The following MSRA variants were observed in gnomAD, a reference collection of about 807,000 sequenced individuals.
MSRA encodes methionine sulfoxide reductase A, also known as mitochondrial peptide methionine sulfoxide reductase.
In MSRA, 54 loss-of-function variants were observed where a neutral mutation model predicts 31.3. That is an observed-to-expected ratio of 1.73 (90% CI 1.39 to 2.17). The LOEUF (loss-of-function observed/expected upper bound fraction) is 2.17, where lower values mean the gene tolerates loss of function less well. Among genes scored for constraint, MSRA ranks in the 30% most tolerant of loss-of-function variants. The pLI, the probability that MSRA is intolerant of heterozygous loss-of-function variation, is 0.00. For synonymous variants in MSRA, 169 were observed against 116.5 expected, an observed-to-expected ratio of 1.45 and a Z score of -2.90; for missense variants, 507 against 300.9, an observed-to-expected ratio of 1.69 and a Z score of -5.07.
intron 1 of MSRA, among the ~76,000 whole-genome samples, chr8:10,164,255 T>C (rs1448782453): frequency 6.6e-6 from 1 of 152,242 alleles, no homozygotes; most frequent in African/African-American, 2.4e-5. Context: ...TTATCTGTCC[T>C]GACCTCATTT....
chr8:10,275,549 C>T (rs933065175), intron 3 of MSRA, among the ~76,000 whole-genome samples: 23 of 152,100 alleles, frequency 1.5e-4, no homozygotes, highest in Non-Finnish European at 2.9e-5. Flanking sequence ...GCAAAGAGTC[C>T]AATTCTCTTT....
chr8:10,194,716 G>C (rs573053915), intron 1 of MSRA, among the ~76,000 whole-genome samples: 1 of 152,140 alleles, frequency 6.6e-6, no homozygotes, highest in South Asian at 2.1e-4. Flanking sequence ...ATACAAATGG[G>C]ATCATCTTTG....
chr8:10,123,765 A>C (rs1179099705), intron 1 of MSRA, among the ~76,000 whole-genome samples: 1 of 151,728 alleles, frequency 6.6e-6, no homozygotes, highest in African/African-American at 2.4e-5. Context: ...TCCTTTCCTC[A>C]TTGCTTGTTT....
chr8:10,414,743 A>G (rs1009077169), intron 5 of MSRA, among the ~76,000 whole-genome samples: 11 of 152,360 alleles, frequency 7.2e-5, no homozygotes, highest in Admixed American at 7.2e-4. Context: ...TTTCATCCCC[A>G]AGGTGAAACC....
intron 3 of MSRA, among the ~76,000 whole-genome samples, chr8:10,248,541 G>A (rs13254838): frequency 6.6e-6 from 1 of 152,190 alleles, no homozygotes; most frequent in African/African-American, 2.4e-5. Context: ...CAGTGGGTCT[G>A]CACAGCCTCA....
intron 5 of MSRA, among the ~76,000 whole-genome samples, chr8:10,330,373 G>A (rs1268542219): frequency 1.3e-5 from 2 of 152,130 alleles, no homozygotes; most frequent in Non-Finnish European, 1.5e-5. Context: ...CTATAACCAT[G>A]ATAATATAAC....
chr8:10,113,823 G>C (rs1800475725), intron 1 of MSRA, among the ~76,000 whole-genome samples: 1 of 151,608 alleles, frequency 6.6e-6, no homozygotes, highest in African/African-American at 2.4e-5. Context: ...TTCACATACT[G>C]TAGAGTTCTC....
chr8:10,169,337 G>A (rs1044319444), intron 1 of MSRA, among the ~76,000 whole-genome samples: 1 of 152,176 alleles, frequency 6.6e-6, no homozygotes, highest in Non-Finnish European at 1.5e-5. Context: ...TCGCAGGAAG[G>A]GGTATTCAGC....
intron 2 of MSRA, among the ~76,000 whole-genome samples, chr8:10,214,367 C>T (rs192735034): frequency 1.3e-5 from 2 of 152,226 alleles, no homozygotes; most frequent in African/African-American, 2.4e-5. Flanking sequence ...AAATCGTTTC[C>T]TGTCTGACAT....
At chr8:10,153,528 G>T (rs201497681) in intron 1 of MSRA, among the ~76,000 whole-genome samples, 5 of 98,894 alleles carry the variant, frequency 5.1e-5, no homozygotes, top group African/African-American at 1.6e-4. Context: ...CTTTTTTTTT[G>T]CCATTTTAAG....
chr8:10,275,307 C>G (rs902451541), intron 3 of MSRA, among the ~76,000 whole-genome samples: 10 of 152,342 alleles, frequency 6.6e-5, no homozygotes, highest in Admixed American at 2.0e-4. Flanking sequence ...AGGAACAGCT[C>G]TCTAAGCAGA....
intron 2 of MSRA, among the ~76,000 whole-genome samples, chr8:10,232,749 G>A (rs575547733): frequency 1.3e-5 from 2 of 152,322 alleles, no homozygotes; most frequent in African/African-American, 4.8e-5. Context: ...GATTAAAATT[G>A]TGAGTAGAAA....
intron 3 of MSRA, among the ~76,000 whole-genome samples, chr8:10,300,412 C>T (rs549611424): frequency 7.9e-5 from 12 of 152,214 alleles, no homozygotes; most frequent in African/African-American, 1.7e-4. Flanking sequence ...CCCACCACCA[C>T]GCCTGGCTAA....
At position 10,275,535 on chromosome 8, in the gene MSRA, A is replaced by G. The variant is rs74831963; in HGVS notation, c.332-25999A>G. ...CTCTTTATTGTTCATTGGTGAAATA[A>G]GTAGCAAAGAGTCCAATTCTCTTTC... On this transcript the variant is annotated intron_variant, in intron 3 of 5. Transcript: ENST00000317173. 9.9e-3 allele frequency among the ~76,000 whole-genome samples: 1,501 copies of G among 152,340 alleles called. 87 individuals carry two copies. The East Asian group carries it at 0.17, about 17-fold the overall frequency.
intron 5 of MSRA, among the ~76,000 whole-genome samples, chr8:10,402,240 G>T (rs959760627): frequency 1.3e-5 from 2 of 152,144 alleles, no homozygotes; most frequent in African/African-American, 2.4e-5. Flanking sequence ...GGCTATGAAG[G>T]TATTGCTCCC....
chr8:10,153,114 G>T (rs571401182), intron 1 of MSRA, among the ~76,000 whole-genome samples: 1 of 152,292 alleles, frequency 6.6e-6, no homozygotes, highest in African/African-American at 2.4e-5. Context: ...TACCACTACT[G>T]AGCGGTACAC....
chr8:10,411,998 C>T (rs1203737251), intron 5 of MSRA, among the ~76,000 whole-genome samples: 1 of 152,206 alleles, frequency 6.6e-6, no homozygotes, highest in African/African-American at 2.4e-5. Context: ...TATCACATTT[C>T]ATAAACTCAG....
intron 5 of MSRA, among the ~76,000 whole-genome samples, chr8:10,363,307 G>A (rs183034803): frequency 6.6e-5 from 10 of 152,238 alleles, no homozygotes; most frequent in African/African-American, 1.4e-4. Context: ...GTGCTTTTCC[G>A]GCCCATGAGA....
chr8:10,064,089 G>C (rs900693467), intron 1 of MSRA, among the ~76,000 whole-genome samples: 2 of 152,188 alleles, frequency 1.3e-5, no homozygotes, highest in African/African-American at 4.8e-5. Flanking sequence ...TTTGGTGCTT[G>C]GTGGTAGTCA....
Sources: gnomAD v4.1 joint callset for allele counts (sites outside exome capture counted in the v4.1 genomes callset) on GRCh38, gnomAD v4.1.1 for gene constraint, MANE v1.5 for transcripts, NCBI Gene and HGNC (gene_info 2026-07-23, HGNC 2026-07-21) for gene names.